Variants in ROBO1 observed in about 807,000 individuals in gnomAD.
ROBO1 encodes the protein roundabout homolog 1.
A neutral mutation model predicts 195.9 loss-of-function variants in ROBO1; 149 were observed. The observed-to-expected ratio is 0.76, with a 90% CI of 0.67 to 0.87. ROBO1 has a LOEUF of 0.87. Ranked by LOEUF, ROBO1 falls within the 40% of genes least tolerant of loss-of-function variation. ROBO1 has a pLI of 0.00. For missense variants in ROBO1, 1,933 were observed against 2,068.3 expected, an observed-to-expected ratio of 0.93 and a Z score of 1.27; for synonymous variants, 816 against 733.2, an observed-to-expected ratio of 1.11 and a Z score of -1.82.
At chr3:79,445,635 T>G (rs2039223871) in intron 2 of ROBO1, among the ~76,000 whole-genome samples, 1 of 151,460 alleles carries the variant, frequency 6.6e-6, no homozygotes, top group Non-Finnish European at 1.5e-5. Context: ...TAGCTGGGAC[T>G]GCAGGTGCAC....
chr3:79,366,793 A>G (rs900190309), intron 2 of ROBO1, among the ~76,000 whole-genome samples: 13 of 152,190 alleles, frequency 8.5e-5, no homozygotes, highest in African/African-American at 2.9e-4. Flanking sequence ...CTGGAATCCT[A>G]AATTCCTTGT....
At chr3:79,421,097 T>C (rs1368084673) in intron 2 of ROBO1, among the ~76,000 whole-genome samples, 2 of 152,092 alleles carry the variant, frequency 1.3e-5, no homozygotes, top group African/African-American at 2.4e-5. Flanking sequence ...TGGAAGCTAT[T>C]GTCCTTAGAA....
intron 2 of ROBO1, among the ~76,000 whole-genome samples, chr3:79,234,722 C>T (rs151137109): frequency 7.9e-5 from 12 of 152,032 alleles, no homozygotes; most frequent in African/African-American, 2.4e-4. Flanking sequence ...ACACAGGAAC[C>T]GAAAACCAAA....
rs1200590752 is a variant in ROBO1, at chr3:79,591,311, T to C, written c.-50-1350A>G. Among the ~76,000 whole-genome samples, 3 of 151,928 alleles carry C rather than the reference T, an allele frequency of 2.0e-5. No individual in the cohort carries two copies. In the East Asian group the frequency reaches 5.8e-4, roughly 30 times the overall value. On this transcript the variant is annotated intron_variant, in intron 1 of 30. Transcript: ENST00000464233. ...GACATAGCTATTTTGTCTATTTGAG[T>C]TGAGCTGTCCTTATTGTATGACTTA...
intron 2 of ROBO1, among the ~76,000 whole-genome samples, chr3:79,463,331 C>T (rs901870076): frequency 6.6e-6 from 1 of 151,086 alleles, no homozygotes. Context: ...GCTGAGGTCG[C>T]GCCACTGCAC....
intron 4 of ROBO1, among the ~76,000 whole-genome samples, chr3:78,773,268 T>C (rs958717747): frequency 6.6e-6 from 1 of 152,072 alleles, no homozygotes; most frequent in African/African-American, 2.4e-5. Context: ...ATTGGTTTAA[T>C]CCTAAAATCA....
rs1222359287 is a variant in ROBO1 at position 78,617,582 on chromosome 3, C to T, written c.4282+53G>A. The stretch of plus-strand genomic sequence containing the variant: ...ATCATAGGACAGAATCAGCAACAAA[C>T]ATATATACATTGAGTTTTCTTTCCC... On this transcript the variant is annotated intron_variant, in intron 27 of 30. Coordinates refer to ENST00000464233, the MANE Select transcript of ROBO1 (RefSeq NM_002941.4). The T allele has an allele frequency of 2.6e-6, 4 of 1,528,168 alleles. No homozygotes were observed. In the African/African-American group the frequency reaches 5.5e-5, roughly 21 times the overall value. The allele number at this position is 1,528,168 out of a possible 1,614,324, so 94.7% of individuals were successfully genotyped here. A position where few individuals can be genotyped will look rare whatever the true frequency, so the allele number is the denominator to read the frequency against.
chr3:78,681,450 C>G (rs1465808326), intron 10 of ROBO1, among the ~76,000 whole-genome samples: 1 of 152,002 alleles, frequency 6.6e-6, no homozygotes, highest in Non-Finnish European at 1.5e-5. Flanking sequence ...TAATGTCTAA[C>G]GAAGAACATA....
chr3:79,765,050 G>A lies in ROBO1; in HGVS notation c.-51+2702C>T, dbSNP rs183911761. ...GGTTCAAGGACAGGCTAAGGGAAGC[G>A]AAGGGAAGTAAAAGGAAGTAAATAG... On this transcript the variant is annotated intron_variant, in intron 1 of 30. Coordinates refer to ENST00000464233, the MANE Select transcript of ROBO1 (RefSeq NM_002941.4). 1.9e-4 allele frequency among the ~76,000 whole-genome samples: 29 copies of A among 152,280 alleles called. No homozygotes were observed. In the East Asian group the frequency reaches 3.7e-3, roughly 19 times the overall value.
intron 3 of ROBO1, among the ~76,000 whole-genome samples, chr3:79,047,533 A>C (rs2078616925): frequency 6.6e-6 from 1 of 152,176 alleles, no homozygotes; most frequent in African/African-American, 2.4e-5. Context: ...TCTTTTCGTG[A>C]ATATCTTAAA....
At chr3:79,590,100 G>T (rs937221713) in intron 1 of ROBO1, 139 bp from the exon 2 acceptor site, 1 of 502,010 alleles carries the variant, frequency 2.0e-6, no homozygotes. Flanking sequence ...TAACTAAAAT[G>T]AATATGAATT....
At chr3:79,713,614 A>T (rs1702364052) in intron 1 of ROBO1, among the ~76,000 whole-genome samples, 1 of 152,050 alleles carries the variant, frequency 6.6e-6, no homozygotes, top group Admixed American at 6.6e-5. Flanking sequence ...CCCATTTGTC[A>T]ATTTTGGCTT....
At chr3:79,184,681 G>T (rs922084696) in intron 2 of ROBO1, among the ~76,000 whole-genome samples, 2 of 152,106 alleles carry the variant, frequency 1.3e-5, no homozygotes, top group African/African-American at 4.8e-5. Flanking sequence ...TGCTCAAGTT[G>T]TTGCATTAAG....
rs1367522172 is a variant in ROBO1 at position 78,597,964 on chromosome 3, AAAAG to A, written c.*945_*948del. 1.5e-4 allele frequency: 23 copies of A among 152,366 alleles called. No homozygotes were observed. The highest frequency in any genetic ancestry group is 4.8e-4 in the African/African-American group (20 of 41,514). 9.4% of individuals were successfully genotyped at this position (152,366 alleles called of 1,614,324 possible). ...GCTTTTAAAACCAAAAAAAAAAAAA[AAAAG>A]AGAGAGAGATTAAAAACAGTGCATT... On this transcript the variant is annotated 3_prime_UTR_variant, in exon 31 of 31. Transcript: ENST00000464233.
chr3:78,668,014 T>C lies in ROBO1; in HGVS notation c.1835A>G (p.Glu612Gly). Residue 612 changes from glutamate (E) to glycine (G), a missense_variant, in exon 14 of 31, where the codon GAG (glutamate) becomes GGG (glycine). Transcript: ENST00000464233. ...GGCAGATGTTTCTGTTTTCACATTC[T>C]CTGCTACGGTCTGCCAGCTGCTACC... ...ASGSSWQTVA[E>G]NVKTETSAIK... 1.2e-6 allele frequency: 2 copies of C among 1,613,698 alleles called. No homozygotes were observed. Among genetic ancestry groups the C allele is most frequent in the Non-Finnish European group, 1.7e-6 (2 of 1,179,752 alleles).
At chr3:78,904,567 G>A (rs1464300339) in intron 4 of ROBO1, among the ~76,000 whole-genome samples, 3 of 151,850 alleles carry the variant, frequency 2.0e-5, no homozygotes, top group South Asian at 2.1e-4. Flanking sequence ...TAAATAAGCC[G>A]CAAAAGTAGC....
At chr3:78,693,184 C>A in intron 8 of ROBO1, 1 of 857,454 alleles carries the variant, frequency 1.2e-6, no homozygotes, top group South Asian at 2.0e-5. Context: ...ACCCATACTT[C>A]CTGCAGACTT....
chr3:78,755,607 T>C (rs1419220044), intron 4 of ROBO1, among the ~76,000 whole-genome samples: 2 of 152,118 alleles, frequency 1.3e-5, no homozygotes. Context: ...AGATTGGAGG[T>C]ACCTTTTGTT....
intron 4 of ROBO1, among the ~76,000 whole-genome samples, chr3:78,819,854 G>T (rs2030682001): frequency 6.6e-6 from 1 of 152,050 alleles, no homozygotes; most frequent in African/African-American, 2.4e-5. Context: ...AACCTGTTGA[G>T]AATTTTATTA....
Sources: gnomAD v4.1 joint callset for allele counts (sites outside exome capture counted in the v4.1 genomes callset) on GRCh38, gnomAD v4.1.1 for gene constraint, MANE v1.5 for transcripts, NCBI Gene and HGNC (gene_info 2026-07-23, HGNC 2026-07-21) for gene names.